ELOVL2: variants seen among roughly 807,000 people sequenced by gnomAD.
ELOVL2 encodes the protein ELOVL fatty acid elongase 2, also known as very long chain fatty acid elongase 2.
In ELOVL2, 38 loss-of-function variants were observed where a neutral mutation model predicts 37.7. The observed-to-expected ratio is 1.01, with a 90% CI of 0.78 to 1.32. The LOEUF is 1.32. Among genes scored for constraint, ELOVL2 ranks in the 40% most tolerant of loss-of-function variants. The pLI is 0.00. For synonymous variants in ELOVL2, 115 were observed against 122.3 expected, an observed-to-expected ratio of 0.94 and a Z score of 0.40; for missense variants, 352 against 363.6, an observed-to-expected ratio of 0.97 and a Z score of 0.26.
chr6:10,983,532 T>C lies in ELOVL2; in HGVS notation c.*249A>G. 2 of 324,092 alleles carry C rather than the reference T, an allele frequency of 6.2e-6. No individual in the cohort carries two copies. The highest frequency in any genetic ancestry group is 1.6e-4 in the South Asian group (2 of 12,858). The allele number at this position is 324,092 out of a possible 1,614,324, so 20.1% of individuals were successfully genotyped here. A position where few individuals can be genotyped will look rare whatever the true frequency, so the allele number is the denominator to read the frequency against. On this transcript the variant is annotated 3_prime_UTR_variant, in exon 8 of 8. Coordinates refer to ENST00000354666, the MANE Select transcript of ELOVL2 (RefSeq NM_017770.4). ...AGCTTCTGGCGAAAGGTTCAGTCTG[T>C]GGGAGGGAGGGAGAGAGAAGCTGCA...
intron 4 of ELOVL2, among the ~76,000 whole-genome samples, chr6:10,996,003 C>A (rs576422006): frequency 6.6e-6 from 1 of 152,168 alleles, no homozygotes; most frequent in Non-Finnish European, 1.5e-5. Flanking sequence ...AGATGTTATT[C>A]ATCCTTGCTA....
At chr6:11,037,006 G>A (rs972166527) in intron 1 of ELOVL2, among the ~76,000 whole-genome samples, 1 of 151,122 alleles carries the variant, frequency 6.6e-6, no homozygotes, top group Non-Finnish European at 1.5e-5. Context: ...GGCAGAGAGG[G>A]AGAGAGAGAC....
intron 1 of ELOVL2, among the ~76,000 whole-genome samples, chr6:11,042,686 G>A (rs1783116584): frequency 6.6e-6 from 1 of 151,808 alleles, no homozygotes; most frequent in South Asian, 2.1e-4. Flanking sequence ...GCCTAGACTC[G>A]TCATTGAAGG....
intron 5 of ELOVL2, among the ~76,000 whole-genome samples, chr6:10,994,493 T>G (rs1782228811): frequency 8.0e-6 from 1 of 124,806 alleles, no homozygotes. Context: ...AGAACAAATA[T>G]GAATGAGTGC....
chr6:10,990,198 T>C, intron 6 of ELOVL2, 120 bp downstream of exon 6: 1 of 1,329,860 alleles, frequency 7.5e-7, no homozygotes. Flanking sequence ...AAAAGGCCAA[T>C]TTTGGAAAAA....
chr6:11,035,134 TTAC>T (rs1169186156), intron 1 of ELOVL2, among the ~76,000 whole-genome samples: 1 of 152,202 alleles, frequency 6.6e-6, no homozygotes, highest in African/African-American at 2.4e-5. Context: ...TATATTTGTG[TTAC>T]TACTTTCTGG....
intron 1 of ELOVL2, among the ~76,000 whole-genome samples, chr6:11,035,248 C>G (rs1782989469): frequency 6.6e-6 from 1 of 152,144 alleles, no homozygotes; most frequent in Admixed American, 6.5e-5. Flanking sequence ...GAAGCATACA[C>G]AAAACGATTT....
chr6:11,032,508 A>T (rs1393843577), intron 1 of ELOVL2, among the ~76,000 whole-genome samples: 2 of 152,224 alleles, frequency 1.3e-5, no homozygotes. Flanking sequence ...AAAAAGGATA[A>T]TCAAATATTC....
intron 1 of ELOVL2, among the ~76,000 whole-genome samples, chr6:11,020,526 C>A (rs1242029130): frequency 6.6e-6 from 1 of 152,190 alleles, no homozygotes; most frequent in Non-Finnish European, 1.5e-5. Context: ...CCATATGGGT[C>A]TTTCCCAGAT....
intron 3 of ELOVL2, among the ~76,000 whole-genome samples, chr6:11,003,667 T>G (rs1040327091): frequency 1.3e-5 from 2 of 152,190 alleles, no homozygotes; most frequent in Non-Finnish European, 2.9e-5. Flanking sequence ...GAGAAACGAA[T>G]CCCATAAATT....
chr6:10,983,858 C>T lies in ELOVL2; in HGVS notation c.814G>A (p.Gly272Arg). The change falls in exon 8 of 8, where the codon GGG (glycine) becomes AGG (arginine). Residue 272 changes from glycine (G) to arginine (R), a missense_variant. Coordinates refer to ENST00000354666, the MANE Select transcript of ELOVL2 (RefSeq NM_017770.4). The stretch of plus-strand genomic sequence containing the variant: ...GAAAAACCATTCTTCACTTCTTTCC[C>T]TGCAGGTGGCTCTTGCATATCTTTC... ...MKKDMQEPPAGKEVKNGFSKA... is the reference protein window; with the variant it reads ...MKKDMQEPPARKEVKNGFSKA... 6.2e-7 allele frequency: 1 copy of T among 1,613,988 alleles called. No homozygotes were observed. The highest frequency in any genetic ancestry group is 8.5e-7 in the Non-Finnish European group (1 of 1,179,960).
At chr6:11,037,694 T>C (rs1783032315) in intron 1 of ELOVL2, among the ~76,000 whole-genome samples, 2 of 152,190 alleles carry the variant, frequency 1.3e-5, no homozygotes, top group African/African-American at 2.4e-5. Flanking sequence ...CTGTGTACCA[T>C]TTTATCCAAA....
chr6:10,984,621 T>C (rs1233358873), intron 7 of ELOVL2, among the ~76,000 whole-genome samples: 1 of 150,180 alleles, frequency 6.7e-6, no homozygotes, highest in African/African-American at 2.4e-5. Context: ...TTTGGTTTTT[T>C]GTTCTTGCGA....
chr6:10,995,284 T>C, intron 4 of ELOVL2, 106 bp from the exon 5 acceptor site: 1 of 854,330 alleles, frequency 1.2e-6, no homozygotes, highest in Non-Finnish European at 1.8e-6. Flanking sequence ...CTGCTGTTTC[T>C]TTCTCACTGC....
Position 11,000,172 on chromosome 6 carries a change from A to C in ELOVL2, c.256-8T>G, listed in dbSNP as rs1352192808. ...CCAAGTGGAGAGAATGAGCTGCCAAAGAACCAAGAAAGAAAGAAAAACAAA... is the reference window on the plus strand; with the variant it reads ...CCAAGTGGAGAGAATGAGCTGCCAACGAACCAAGAAAGAAAGAAAAACAAA... On this transcript the variant is annotated splice_polypyrimidine_tract_variant and splice_region_variant and intron_variant, in intron 3 of 7. Coordinates refer to ENST00000354666, the MANE Select transcript of ELOVL2 (RefSeq NM_017770.4). The C allele has an allele frequency of 1.9e-6, 3 of 1,613,614 alleles. No homozygotes were observed. The highest frequency in any genetic ancestry group is 2.7e-5 in the African/African-American group (2 of 74,936).
At chr6:11,027,821 C>A (rs1483734549) in intron 1 of ELOVL2, among the ~76,000 whole-genome samples, 1 of 152,182 alleles carries the variant, frequency 6.6e-6, no homozygotes, top group Non-Finnish European at 1.5e-5. Context: ...AACTGAACAT[C>A]TACTAGGTAT....
At chr6:10,996,228 G>A (rs1021886566) in intron 4 of ELOVL2, among the ~76,000 whole-genome samples, 7 of 152,106 alleles carry the variant, frequency 4.6e-5, no homozygotes, top group African/African-American at 7.2e-5. Context: ...AGGTACGGCC[G>A]CAACCGTCTT....
intron 7 of ELOVL2, among the ~76,000 whole-genome samples, chr6:10,988,279 A>G (rs1336389933): frequency 1.3e-5 from 2 of 152,240 alleles, no homozygotes; most frequent in Non-Finnish European, 2.9e-5. Context: ...TAAAACCACT[A>G]TGGGGATGTG....
chr6:11,031,070 T>A (rs1189980975), intron 1 of ELOVL2, among the ~76,000 whole-genome samples: 2 of 152,232 alleles, frequency 1.3e-5, no homozygotes, highest in African/African-American at 4.8e-5. Context: ...GCTTGTTCTG[T>A]CATTCAAGAT....
Sources: gnomAD v4.1 joint callset for allele counts (sites outside exome capture counted in the v4.1 genomes callset) on GRCh38, gnomAD v4.1.1 for gene constraint, MANE v1.5 for transcripts, NCBI Gene and HGNC (gene_info 2026-07-23, HGNC 2026-07-21) for gene names.